The following ST3GAL6 variants were observed in gnomAD, a reference collection of about 807,000 sequenced individuals.
ST3GAL6 encodes the protein ST3 beta-galactoside alpha-2,3-sialyltransferase 6, also known as type 2 lactosamine alpha-2,3-sialyltransferase.
A neutral mutation model predicts 40.5 loss-of-function variants in ST3GAL6; 31 were observed. The observed-to-expected ratio is 0.77, with a 90% CI of 0.58 to 1.03. The LOEUF (loss-of-function observed/expected upper bound fraction) is 1.03, where lower values mean the gene tolerates loss of function less well. ST3GAL6 is among the 50% of genes least tolerant of loss of function. ST3GAL6 has a pLI of 0.00. For missense variants in ST3GAL6, 357 were observed against 393.2 expected (o/e 0.91, Z 0.78); for synonymous variants, 129 against 136.9 (o/e 0.94, Z 0.40).
In ST3GAL6 at chr3:98,788,380, C is replaced by G. The variant is rs776971082; in HGVS notation, c.673C>G (p.Gln225Glu). The change falls in exon 8 of 10, where the codon CAA becomes GAA. Residue 225 changes from glutamine to glutamate, a missense_variant. Transcript: ENST00000483910. ...CTTAAACCTGATTTATAAACCTTAT[C>G]AAATCCGAATATTAGATCCTTTCAT... ...PALNLIYKPY[Q>E]IRILDPFIIR... 4 of 1,612,974 alleles carry G rather than the reference C, an allele frequency of 2.5e-6. No individual in the cohort carries two copies. Among genetic ancestry groups the G allele is most frequent in the Non-Finnish European group, 3.4e-6 (4 of 1,179,656 alleles).
In ST3GAL6 at chr3:98,778,814, C is replaced by T. The variant is rs953940535; in HGVS notation, c.335+4831C>T. ...AGTTCCTTGTGTAGTTTGAGGATCTCCTGGCTGCAAGTAATAGTCTTCACT... is the reference window on the plus strand; with the variant it reads ...AGTTCCTTGTGTAGTTTGAGGATCTTCTGGCTGCAAGTAATAGTCTTCACT... On this transcript the variant is annotated intron_variant, in intron 5 of 9. Transcript: ENST00000483910. Among the ~76,000 whole-genome samples, 8 of 152,280 alleles carry T rather than the reference C, an allele frequency of 5.3e-5. No individual in the cohort carries two copies. The East Asian group carries it at 7.7e-4, about 15-fold the overall frequency.
intron 1 of ST3GAL6, chr3:98,756,500 C>T (rs1156896738): frequency 1.6e-5 from 21 of 1,286,048 alleles, no homozygotes; most frequent in East Asian, 1.1e-4. Flanking sequence ...TCCACCTTTG[C>T]GAACAGAGGG....
At chr3:98,793,648 G>A (rs779298984) in intron 9 of ST3GAL6, 27 bp from the exon 10 acceptor site, 4 of 1,458,708 alleles carry the variant, frequency 2.7e-6, no homozygotes, top group Admixed American at 2.0e-5. Flanking sequence ...GGGAAAGAAT[G>A]ATGGTAATTG....
At chr3:98,784,219 G>A (rs1940463168) in intron 5 of ST3GAL6, among the ~76,000 whole-genome samples, 1 of 152,196 alleles carries the variant, frequency 6.6e-6, no homozygotes. Context: ...ATTTCTCCAG[G>A]CCTGCCTGGG....
At chr3:98,763,632 C>G (rs896312124) in intron 1 of ST3GAL6, among the ~76,000 whole-genome samples, 193 bp downstream of exon 1, 2 of 151,220 alleles carry the variant, frequency 1.3e-5, no homozygotes, top group Admixed American at 1.3e-4. Flanking sequence ...GAGAAGAGAC[C>G]TAGTAGTAGA....
chr3:98,756,601 A>C (rs1482055005), intron 1 of ST3GAL6: 63 of 1,156,446 alleles, frequency 5.4e-5, no homozygotes, highest in Non-Finnish European at 6.6e-5. Flanking sequence ...GAGCACTTGT[A>C]ATGTTCTTAT....
chr3:98,753,772 T>C (rs1937203267), intron 1 of ST3GAL6, among the ~76,000 whole-genome samples: 1 of 152,228 alleles, frequency 6.6e-6, no homozygotes, highest in African/African-American at 2.4e-5. Flanking sequence ...GAGGCCAGCC[T>C]GGGAATCATA....
intron 6 of ST3GAL6, among the ~76,000 whole-genome samples, 182 bp from the exon 7 acceptor site, chr3:98,787,854 A>G (rs2290067): frequency 0.36 from 54,302 of 152,072 alleles, 9,803 homozygotes; most frequent in Non-Finnish European, 0.38. Flanking sequence ...TCAACCAACT[A>G]TTTCATGAAA....
At chr3:98,775,367 T>G (rs760602112) in intron 5 of ST3GAL6, among the ~76,000 whole-genome samples, 5 of 151,956 alleles carry the variant, frequency 3.3e-5, no homozygotes, top group Non-Finnish European at 7.4e-5. Flanking sequence ...TCCCAGCTAC[T>G]TGGGAGGCTG....
chr3:98,733,949 G>C (rs932008649), intron 1 of ST3GAL6, among the ~76,000 whole-genome samples: 1 of 152,132 alleles, frequency 6.6e-6, no homozygotes, highest in Non-Finnish European at 1.5e-5. Context: ...GTCTAAAGTC[G>C]TAAGTCCCAT....
Position 98,771,111 on chromosome 3 carries a change from G to A in ST3GAL6, c.167+155G>A, listed in dbSNP as rs1339566553. The A allele has an allele frequency of 4.6e-6, 7 of 1,516,126 alleles. No individual in the cohort carries two copies. The Admixed American group carries it at 1.4e-4, about 30-fold the overall frequency. The allele number at this position is 1,516,126 out of a possible 1,614,324, so 93.9% of individuals were successfully genotyped here. ...GAGCTTGAATATCCTGTCTCTTTTTGTGCTTTTAGTCAGAGCTCTGCATAT... is the reference window on the plus strand; with the variant it reads ...GAGCTTGAATATCCTGTCTCTTTTTATGCTTTTAGTCAGAGCTCTGCATAT... On this transcript the variant is annotated intron_variant, in intron 3 of 9. Coordinates refer to ENST00000483910, the MANE Select transcript of ST3GAL6 (RefSeq NM_001323368.2).
chr3:98,781,531 T>C (rs1940127624), intron 5 of ST3GAL6, among the ~76,000 whole-genome samples: 1 of 151,992 alleles, frequency 6.6e-6, no homozygotes, highest in East Asian at 1.9e-4. Flanking sequence ...ACTTCAGATA[T>C]TTGGCTTGTT....
intron 1 of ST3GAL6, among the ~76,000 whole-genome samples, chr3:98,768,080 G>C (rs570585838): frequency 2.0e-5 from 3 of 152,280 alleles, no homozygotes; most frequent in Admixed American, 2.0e-4. Context: ...TAATGTTTGT[G>C]AAAAAAGTTT....
chr3:98,786,691 T>A (rs1268580817), intron 6 of ST3GAL6, among the ~76,000 whole-genome samples: 1 of 152,074 alleles, frequency 6.6e-6, no homozygotes, highest in Non-Finnish European at 1.5e-5. Context: ...AGGGTTTTTT[T>A]TTTGTTTGTT....
chr3:98,768,400 T>G, intron 1 of ST3GAL6, 30 bp from the exon 2 acceptor site: 1 of 1,544,240 alleles, frequency 6.5e-7, no homozygotes, highest in Non-Finnish European at 9.0e-7. Flanking sequence ...AACCTGGCCT[T>G]TGCTTTGGAC....
At chr3:98,783,048 T>C (rs527378963) in intron 5 of ST3GAL6, 107 of 282,576 alleles carry the variant, frequency 3.8e-4, no homozygotes, top group African/African-American at 2.3e-3. Context: ...CCTCCCTGAA[T>C]GTTACGTGTG....
At position 98,763,343 on chromosome 3, in the gene ST3GAL6, G is replaced by A; in HGVS notation, c.-108G>A. On this transcript the variant is annotated 5_prime_UTR_variant, in exon 1 of 10. In the 5' UTR this introduces an upstream ATG that the reference lacks. Transcript: ENST00000483910. ...CACACAGTCTGGAGTGTATGTCAGTGTGAGCTGAAGACCAGCAGAGACTAG... is the reference window on the plus strand; with the variant it reads ...CACACAGTCTGGAGTGTATGTCAGTATGAGCTGAAGACCAGCAGAGACTAG... The A allele has an allele frequency of 7.8e-7, 1 of 1,289,848 alleles. No individual in the cohort carries two copies. Among genetic ancestry groups the A allele is most frequent in the Non-Finnish European group, 1.0e-6 (1 of 988,862 alleles). The allele number at this position is 1,289,848 out of a possible 1,614,324, so 79.9% of individuals were successfully genotyped here. A position where few individuals can be genotyped will look rare whatever the true frequency, so the allele number is the denominator to read the frequency against.
rs1941510362 is a variant in ST3GAL6, at chr3:98,795,203, G to GA, written c.*1445dup. 6.6e-6 allele frequency: 1 copy of GA among 152,152 alleles called. No homozygotes were observed. Among genetic ancestry groups the GA allele is most frequent in the South Asian group, 2.1e-4 (1 of 4,824 alleles). 9.4% of individuals were successfully genotyped at this position (152,152 alleles called of 1,614,324 possible). ...GTTGTCAGAAGAGGTATGAGCTGAA[G>GA]AAAGAATTACTCTCTTTTGACCAAT... On this transcript the variant is annotated 3_prime_UTR_variant, in exon 10 of 10. Transcript: ENST00000483910.
At chr3:98,780,579 T>A (rs898000820) in intron 5 of ST3GAL6, among the ~76,000 whole-genome samples, 2 of 133,134 alleles carry the variant, frequency 1.5e-5, no homozygotes, top group African/African-American at 5.0e-5. Context: ...TTTCTTCCTG[T>A]TTTTTAAAAG....
Sources: gnomAD v4.1 joint callset for allele counts (sites outside exome capture counted in the v4.1 genomes callset) on GRCh38, gnomAD v4.1.1 for gene constraint, MANE v1.5 for transcripts, NCBI Gene and HGNC (gene_info 2026-07-23, HGNC 2026-07-21) for gene names.